ASB15: variants seen among roughly 807,000 people sequenced by gnomAD.
ASB15 encodes ankyrin repeat and SOCS box protein 15.
Under a neutral mutation model 58.0 loss-of-function variants are expected in ASB15, and 54 were observed. The ratio of observed to expected loss-of-function variants is 0.93; its 90% CI spans 0.75 to 1.17. The LOEUF (loss-of-function observed/expected upper bound fraction) is 1.17. Among genes scored for constraint, ASB15 ranks in the 50% most tolerant of loss-of-function variants. ASB15 has a pLI of 0.00. For synonymous variants in ASB15, 249 were observed against 262.4 expected, an observed-to-expected ratio of 0.95 and a Z score of 0.50; for missense variants, 680 against 707.4, an observed-to-expected ratio of 0.96 and a Z score of 0.44.
intron 7 of ASB15, among the ~76,000 whole-genome samples, chr7:123,619,129 G>A (rs1456168596): frequency 2.2e-5 from 3 of 138,732 alleles, no homozygotes; most frequent in Admixed American, 8.1e-5. Flanking sequence ...TCAGTGAGCC[G>A]AGATCGCACC....
intron 2 of ASB15, among the ~76,000 whole-genome samples, chr7:123,604,997 C>A (rs1459642420): frequency 6.6e-6 from 1 of 151,844 alleles, no homozygotes; most frequent in Non-Finnish European, 1.5e-5. Context: ...CAACTGCCTC[C>A]AACAGAAAGA....
intron 1 of ASB15, among the ~76,000 whole-genome samples, chr7:123,569,580 G>A (rs1225367703): frequency 1.3e-5 from 2 of 152,216 alleles, no homozygotes; most frequent in African/African-American, 4.8e-5. Context: ...TGCATCTGCT[G>A]TCAGCCCCTA....
chr7:123,579,236 C>T (rs1004367478), intron 1 of ASB15, among the ~76,000 whole-genome samples: 1 of 151,928 alleles, frequency 6.6e-6, no homozygotes, highest in African/African-American at 2.4e-5. Context: ...TGATTTCATT[C>T]TTTTTATGGC....
chr7:123,582,862 A>C (rs149161091), intron 1 of ASB15, among the ~76,000 whole-genome samples: 51 of 152,164 alleles, frequency 3.4e-4, no homozygotes, highest in African/African-American at 1.2e-3. Context: ...TTGGCAAATA[A>C]ATGAATGCAG....
intron 7 of ASB15, among the ~76,000 whole-genome samples, chr7:123,623,972 AAAGAAAG>A (rs2116609772): frequency 6.6e-6 from 1 of 151,292 alleles, no homozygotes; most frequent in African/African-American, 2.4e-5. Context: ...AGAAAGAAAG[AAAGAAAG>A]AAAGAAAGAA....
chr7:123,581,140 T>C (rs1461630069), intron 1 of ASB15, among the ~76,000 whole-genome samples: 1 of 151,850 alleles, frequency 6.6e-6, no homozygotes, highest in Non-Finnish European at 1.5e-5. Context: ...TTCAGCTCTT[T>C]GCGGAGGAGG....
intron 2 of ASB15, among the ~76,000 whole-genome samples, chr7:123,605,333 T>G (rs1800093110): frequency 6.6e-6 from 1 of 151,898 alleles, no homozygotes; most frequent in South Asian, 2.1e-4. Flanking sequence ...TACTAAAAAG[T>G]CAAAAAATAA....
Position 123,583,664 on chromosome 7 carries a change from G to A in ASB15, c.-443+16576G>A, listed in dbSNP as rs190196791. On this transcript the variant is annotated intron_variant, in intron 1 of 13. Coordinates refer to the ASB15 transcript ENST00000451558. ...GAAGAAAGATTTTTTCGGAGAGAAG[G>A]CACAGGAAAGAGGAGTAACATTCCT... Among the ~76,000 whole-genome samples, 28 of 152,028 alleles carry A rather than the reference G, an allele frequency of 1.8e-4. No individual in the cohort carries two copies. The East Asian group carries it at 4.3e-3, about 23-fold the overall frequency.
chr7:123,626,171 A>G (rs899059121), intron 8 of ASB15, among the ~76,000 whole-genome samples: 1 of 152,270 alleles, frequency 6.6e-6, no homozygotes, highest in African/African-American at 2.4e-5. Flanking sequence ...GCAATAAAGT[A>G]TTTGTTAATA....
intron 1 of ASB15, among the ~76,000 whole-genome samples, chr7:123,585,811 T>C (rs932745944): frequency 2.0e-5 from 3 of 151,816 alleles, no homozygotes; most frequent in Admixed American, 2.0e-4. Context: ...ATTCCACATA[T>C]AAGAGATATC....
rs933452088 is a variant in ASB15, at chr7:123,639,167, G to C, written c.*2186G>C. 3 of 151,444 alleles carry C rather than the reference G, an allele frequency of 2.0e-5. No individual in the cohort carries two copies. The highest frequency in any genetic ancestry group is 6.6e-5 in the Admixed American group (1 of 15,226). The allele number at this position is 151,444 out of a possible 1,614,324, so 9.4% of individuals were successfully genotyped here. On this transcript the variant is annotated 3_prime_UTR_variant, in exon 12 of 12. Coordinates refer to ENST00000451215, the MANE Select transcript of ASB15 (RefSeq NM_001290258.2). ...TTAAACAGTAATATCTCACTGGTCT[G>C]TAAAGTTTTCAAGTTGTATTTAGCT...
chr7:123,580,285 G>A (rs1223202406), intron 1 of ASB15, among the ~76,000 whole-genome samples: 6 of 152,050 alleles, frequency 3.9e-5, no homozygotes, highest in Non-Finnish European at 8.8e-5. Flanking sequence ...GTGCATGGCA[G>A]GCCGTTCTCT....
upstream of ASB15, among the ~76,000 whole-genome samples, chr7:123,597,794 G>A (rs1345214719): frequency 1.3e-5 from 2 of 152,100 alleles, no homozygotes; most frequent in Non-Finnish European, 2.9e-5. Flanking sequence ...TCGCACCACT[G>A]CACTCCAGCC....
chr7:123,604,272 T>C (rs570444965), intron 2 of ASB15, 60 bp downstream of exon 2: 2 of 152,258 alleles, frequency 1.3e-5, no homozygotes, highest in South Asian at 4.1e-4. Context: ...TCAAGTTCAC[T>C]GGTTTTCCTA....
intron 1 of ASB15, among the ~76,000 whole-genome samples, chr7:123,582,489 T>C (rs1799264436): frequency 6.6e-6 from 1 of 151,982 alleles, no homozygotes; most frequent in African/African-American, 2.4e-5. Context: ...ACATATATCC[T>C]ACATATTCTA....
At chr7:123,585,593 A>G (rs1472053404) in intron 1 of ASB15, among the ~76,000 whole-genome samples, 2 of 151,434 alleles carry the variant, frequency 1.3e-5, no homozygotes, top group Non-Finnish European at 3.0e-5. Context: ...GATTACCACA[A>G]CCAAGCTAAT....
In ASB15 at chr7:123,619,675, C is replaced by T. The variant is rs573535498; in HGVS notation, c.451+1938C>T. 3.3e-5 allele frequency among the ~76,000 whole-genome samples: 5 copies of T among 152,212 alleles called. No homozygotes were observed. In the East Asian group the frequency reaches 5.8e-4, roughly 18 times the overall value. Reference sequence around the variant, plus strand: ...AGTAGCTGGGACTACAGGCGCCCGCCACCACGCCCAGCTAATGTTTTGTAT... The same window carrying T: ...AGTAGCTGGGACTACAGGCGCCCGCTACCACGCCCAGCTAATGTTTTGTAT... On this transcript the variant is annotated intron_variant, in intron 7 of 11. Coordinates refer to ENST00000451215, the MANE Select transcript of ASB15 (RefSeq NM_001290258.2).
chr7:123,628,863 G>T lies in ASB15; in HGVS notation c.870-1G>T, dbSNP rs550262227. ...GTAGATATTTGACTTTTTTCTTTTA[G>T]TGCACTGAAATATCTTATCCCAGTA... is the stretch of plus-strand genomic sequence containing the variant. On this transcript the variant is annotated splice_acceptor_variant, in intron 9 of 11. Coordinates refer to ENST00000451215, the MANE Select transcript of ASB15 (RefSeq NM_001290258.2). LOFTEE classifies it high-confidence loss of function. 4.0e-6 allele frequency: 6 copies of T among 1,499,142 alleles called. No homozygotes were observed. In the Admixed American group the frequency reaches 7.0e-5, roughly 18 times the overall value. 92.9% of individuals were successfully genotyped at this position (1,499,142 alleles called of 1,614,324 possible).
chr7:123,630,005 G>C lies in ASB15; in HGVS notation c.1480G>C (p.Val494Leu), dbSNP rs778797315. 48 of 1,600,074 alleles carry C rather than the reference G, an allele frequency of 3.0e-5. No homozygotes were observed. The East Asian group carries it at 9.6e-4, about 32-fold the overall frequency. The change falls in exon 11 of 12, where the codon GTA (valine) becomes CTA (leucine). Residue 494 changes from valine to leucine, a missense_variant. Physicochemically the swap from Val to Leu is conservative, Grantham distance 32. Coordinates refer to ENST00000451215, the MANE Select transcript of ASB15 (RefSeq NM_001290258.2). Reference protein sequence around the residue: ...FITVPWMKHLVGRVTRVLIDY... With the variant: ...FITVPWMKHLLGRVTRVLIDY... Reference sequence around the variant, plus strand: ...TACAGTTCCTTGGATGAAGCACTTGGTAGGCAGAGTTACTCGTGTACTAAT... The same window carrying C: ...TACAGTTCCTTGGATGAAGCACTTGCTAGGCAGAGTTACTCGTGTACTAAT...
Sources: gnomAD v4.1 joint callset for allele counts (sites outside exome capture counted in the v4.1 genomes callset) on GRCh38, gnomAD v4.1.1 for gene constraint, MANE v1.5 for transcripts, NCBI Gene and HGNC (gene_info 2026-07-23, HGNC 2026-07-21) for gene names.